Variants in CDHR3 observed in about 807,000 individuals in gnomAD.
The protein encoded by CDHR3 is cadherin-related family member 3.
A neutral mutation model predicts 86.6 loss-of-function variants in CDHR3; 79 were observed. That is an observed-to-expected ratio of 0.91 (90% CI 0.76 to 1.10). The LOEUF is 1.10. Ranked by LOEUF, CDHR3 falls within the 50% of genes least tolerant of loss-of-function variation. The probability of loss-of-function intolerance (pLI) is 0.00; values close to 1 mark genes in which losing one functional copy is unlikely to be tolerated. For missense variants in CDHR3, 1,081 were observed against 1,077.6 expected (o/e 1.00, Z -0.04); for synonymous variants, 421 against 402.4 (o/e 1.05, Z -0.55).
At chr7:106,028,373 T>A in intron 16 of CDHR3, 178 bp from the exon 17 acceptor site, 1 of 715,668 alleles carries the variant, frequency 1.4e-6, no homozygotes, top group Non-Finnish European at 2.5e-6. Context: ...GTGTACGTAT[T>A]TTTTTCTGAG....
At chr7:105,992,468 G>T (rs553300177) in intron 4 of CDHR3, among the ~76,000 whole-genome samples, 1 of 152,284 alleles carries the variant, frequency 6.6e-6, no homozygotes, top group East Asian at 1.9e-4. Context: ...GTTAATGGGG[G>T]GCTTGGGATT....
chr7:106,018,884 T>A (rs1585803743), intron 12 of CDHR3, among the ~76,000 whole-genome samples: 1 of 152,058 alleles, frequency 6.6e-6, no homozygotes, highest in East Asian at 1.9e-4. Flanking sequence ...AGATTCTGAG[T>A]CAGAGGGTCT....
At chr7:105,977,782 T>A (rs1480228059) in intron 2 of CDHR3, among the ~76,000 whole-genome samples, 1 of 152,158 alleles carries the variant, frequency 6.6e-6, no homozygotes, top group East Asian at 1.9e-4. Flanking sequence ...CCATTTCTTG[T>A]GACTCATTTG....
intron 15 of CDHR3, among the ~76,000 whole-genome samples, chr7:106,025,884 AC>A (rs567801296): frequency 2.9e-4 from 44 of 152,172 alleles, no homozygotes; most frequent in Non-Finnish European, 5.6e-4. Context: ...TTAAAAAAAA[AC>A]AGCTCTAAAA....
At chr7:106,029,114 G>A (rs2115922105) in intron 17 of CDHR3, among the ~76,000 whole-genome samples, 1 of 152,110 alleles carries the variant, frequency 6.6e-6, no homozygotes, top group Admixed American at 6.6e-5. Context: ...CAAGTAGCTG[G>A]GATTACAGAC....
At chr7:106,028,109 C>A (rs1837643068) in intron 16 of CDHR3, among the ~76,000 whole-genome samples, 1 of 141,414 alleles carries the variant, frequency 7.1e-6, no homozygotes. Context: ...AAGAGTGAGA[C>A]CCTGTCTTAA....
At position 106,034,420 on chromosome 7, in the gene CDHR3, G is replaced by T. The variant is rs372419486; in HGVS notation, c.*1723G>T. Among the ~76,000 whole-genome samples, 1 of 134,976 alleles carries T rather than the reference G, an allele frequency of 7.4e-6. No homozygotes were observed. Among genetic ancestry groups the T allele is most frequent in the Non-Finnish European group, 1.7e-5 (1 of 60,160 alleles). The allele number at this position is 134,976 out of a possible 152,430, so 88.5% of individuals were successfully genotyped here. The stretch of plus-strand genomic sequence containing the variant: ...TCCTGTGGGAGACAGACTGGATCCA[G>T]CAAATGTAGAGCTTCAGAGAGAGCA... On this transcript the variant is annotated 3_prime_UTR_variant, in exon 19 of 19. Coordinates refer to ENST00000317716, the MANE Select transcript of CDHR3 (RefSeq NM_152750.5).
intron 6 of CDHR3, among the ~76,000 whole-genome samples, chr7:105,998,452 A>G (rs1168560549): frequency 1.3e-5 from 2 of 152,228 alleles, no homozygotes; most frequent in Non-Finnish European, 2.9e-5. Flanking sequence ...TTCAGGATGC[A>G]TGCTCCAGGA....
At chr7:105,963,458 T>C in intron 1 of CDHR3, 94 bp downstream of exon 1, 3 of 1,342,906 alleles carry the variant, frequency 2.2e-6, no homozygotes, top group Non-Finnish European at 3.2e-6. Flanking sequence ...AAATTGCCCC[T>C]GGGAGGCTTG....
intron 2 of CDHR3, among the ~76,000 whole-genome samples, chr7:105,980,470 C>CAT (rs1342921057): frequency 6.6e-6 from 1 of 151,438 alleles, no homozygotes; most frequent in Non-Finnish European, 1.5e-5. Context: ...ATGTGCACAA[C>CAT]GTGCAGGTTT....
intron 1 of CDHR3, among the ~76,000 whole-genome samples, chr7:105,970,396 G>T (rs1215317738): frequency 6.6e-6 from 1 of 152,240 alleles, no homozygotes; most frequent in Non-Finnish European, 1.5e-5. Flanking sequence ...AGATGTTTCA[G>T]TGGGCGCCAT....
intron 7 of CDHR3, among the ~76,000 whole-genome samples, 183 bp from the exon 8 acceptor site, chr7:106,004,315 C>T (rs368263095): frequency 1.5e-4 from 23 of 152,352 alleles, no homozygotes; most frequent in African/African-American, 5.1e-4. Context: ...AGGGTCAGGC[C>T]AGATACCCCA....
intron 12 of CDHR3, among the ~76,000 whole-genome samples, chr7:106,018,938 G>A (rs1215736746): frequency 1.3e-5 from 2 of 152,216 alleles, no homozygotes; most frequent in Non-Finnish European, 2.9e-5. Flanking sequence ...CAAGTGGGGC[G>A]GCGCTGCTGG....
intron 14 of CDHR3, among the ~76,000 whole-genome samples, chr7:106,023,311 AG>A (rs1394850953): frequency 7.9e-5 from 12 of 152,244 alleles, no homozygotes; most frequent in Admixed American, 7.9e-4. Flanking sequence ...TGTGCATTAA[AG>A]TCTGAGAGCC....
At chr7:105,966,409 G>A (rs1033348072) in intron 1 of CDHR3, among the ~76,000 whole-genome samples, 4 of 152,184 alleles carry the variant, frequency 2.6e-5, no homozygotes, top group African/African-American at 4.8e-5. Context: ...TGGGCAAGAG[G>A]CAATCACAGC....
At chr7:105,997,414 A>G (rs2115765654) in intron 6 of CDHR3, among the ~76,000 whole-genome samples, 1 of 152,276 alleles carries the variant, frequency 6.6e-6, no homozygotes, top group South Asian at 2.1e-4. Context: ...ATCTGCTGCT[A>G]TTAAATGGCT....
intron 6 of CDHR3, among the ~76,000 whole-genome samples, chr7:105,996,915 TG>T (rs1275537628): frequency 4.6e-5 from 7 of 151,984 alleles, no homozygotes; most frequent in Non-Finnish European, 1.0e-4. Context: ...GAGGGTAGTT[TG>T]TGGAAATGTG....
At chr7:106,024,257 A>G in intron 14 of CDHR3, 124 bp from the exon 15 acceptor site, 1 of 798,498 alleles carries the variant, frequency 1.3e-6, no homozygotes. Context: ...GTGAGCACAC[A>G]GATGTCCAAC....
At chr7:106,015,601 G>GTT (rs1835487822) in intron 10 of CDHR3, among the ~76,000 whole-genome samples, 1 of 152,064 alleles carries the variant, frequency 6.6e-6, no homozygotes, top group South Asian at 2.1e-4. Flanking sequence ...GAATTATGTG[G>GTT]TTTTATACCT....
Sources: gnomAD v4.1 joint callset for allele counts (sites outside exome capture counted in the v4.1 genomes callset) on GRCh38, gnomAD v4.1.1 for gene constraint, MANE v1.5 for transcripts, NCBI Gene and HGNC (gene_info 2026-07-23, HGNC 2026-07-21) for gene names.